R3HDM2: variants seen among roughly 807,000 people sequenced by gnomAD.
The protein encoded by R3HDM2 is R3H domain containing 2.
Under a neutral mutation model 124.5 loss-of-function variants are expected in R3HDM2, and 38 were observed. That is an observed-to-expected ratio of 0.31 (90% confidence interval 0.24 to 0.40). R3HDM2 has a LOEUF of 0.40. Among genes scored for constraint, R3HDM2 ranks in the 10% least tolerant of loss-of-function variants. The pLI is 1.00. For missense variants in R3HDM2, 869 were observed against 1,236.9 expected (o/e 0.70, Z 4.46); for synonymous variants, 391 against 448.0 (o/e 0.87, Z 1.61).
intron 2 of R3HDM2, among the ~76,000 whole-genome samples, chr12:57,312,303 T>C (rs1487278604): frequency 6.6e-6 from 1 of 151,110 alleles, no homozygotes; most frequent in Non-Finnish European, 1.5e-5. Flanking sequence ...TACTGCTTTG[T>C]GATTTTTTTT....
chr12:57,258,894 G>A lies in R3HDM2; in HGVS notation c.2297C>T (p.Pro766Leu). Residue 766 changes from proline to leucine, a missense_variant, in exon 20 of 24, where the codon CCC (proline) becomes CTC (leucine). Pro to Leu is a moderately conservative substitution (Grantham distance 98). Transcript: ENST00000402412. ...AAGGCTGAGTGCTGCACTCACCTGGGGGCTGCTGTCAGGACTGTACAGGTC... is the reference window on the plus strand; with the variant it reads ...AAGGCTGAGTGCTGCACTCACCTGGAGGCTGCTGTCAGGACTGTACAGGTC... ...PGDLYSPDSS[P>L]QANTQMSSSP... The A allele has an allele frequency of 6.3e-7, 1 of 1,575,486 alleles. No individual in the cohort carries two copies. Among genetic ancestry groups the A allele is most frequent in the Non-Finnish European group, 8.6e-7 (1 of 1,161,454 alleles).
intron 14 of R3HDM2, among the ~76,000 whole-genome samples, chr12:57,270,492 C>T (rs1295439086): frequency 6.6e-6 from 1 of 152,020 alleles, no homozygotes; most frequent in Non-Finnish European, 1.5e-5. Context: ...TGCAATGGTG[C>T]AGTCTCGGCT....
chr12:57,300,287 T>G, intron 4 of R3HDM2, 106 bp from the exon 5 acceptor site: 3 of 971,314 alleles, frequency 3.1e-6, no homozygotes, highest in Non-Finnish European at 4.7e-6. Context: ...GTGTCCTCTT[T>G]GGCTCTGTTA....
intron 2 of R3HDM2, among the ~76,000 whole-genome samples, chr12:57,335,665 CT>C (rs1213483574): frequency 0.19 from 25,385 of 133,288 alleles, 2,579 homozygotes; most frequent in Admixed American, 0.28. Flanking sequence ...ACCCAGCTAA[CT>C]TTTTTTTTTT....
chr12:57,298,143 G>A lies in R3HDM2; in HGVS notation c.447C>T (p.Ser149=). 7 of 1,551,090 alleles carry A rather than the reference G, an allele frequency of 4.5e-6. No homozygotes were observed. The highest frequency in any genetic ancestry group is 6.1e-6 in the Non-Finnish European group (7 of 1,146,672). Residue 149 remains serine, a synonymous_variant, in exon 7 of 24, where the codon TCC becomes TCT. Transcript: ENST00000402412. The part of the protein sequence containing the change: ...SRDSSQEYTD[S]TGIDLHEFLV... Reference sequence around the variant, plus strand: ...GAAATTCATGTAGGTCTATTCCAGTGGAGTCCGTATATTCCTGGCTGGAGT... The same window carrying A: ...GAAATTCATGTAGGTCTATTCCAGTAGAGTCCGTATATTCCTGGCTGGAGT...
Position 57,374,099 on chromosome 12 carries a change from G to C in R3HDM2, c.-36+21650C>G, listed in dbSNP as rs188780485. 5.8e-4 allele frequency among the ~76,000 whole-genome samples: 88 copies of C among 152,232 alleles called. 1 individual carries two copies. The highest frequency in any genetic ancestry group is 2.0e-3 in the African/African-American group (83 of 41,528). ...GATGAGATCGCACCACTGCACTCCAGCCTGGGTGCCAGAGCAAGACTCTGT... is the reference window on the plus strand; with the variant it reads ...GATGAGATCGCACCACTGCACTCCACCCTGGGTGCCAGAGCAAGACTCTGT... On this transcript the variant is annotated intron_variant, in intron 2 of 23. Transcript: ENST00000402412.
At chr12:57,331,603 C>T (rs1171360235) in intron 2 of R3HDM2, among the ~76,000 whole-genome samples, 1 of 152,040 alleles carries the variant, frequency 6.6e-6, no homozygotes, top group Non-Finnish European at 1.5e-5. Flanking sequence ...AATTTGCAGG[C>T]TGGGCAATAT....
chr12:57,295,336 C>T, intron 10 of R3HDM2, 63 bp downstream of exon 10: 5 of 1,142,646 alleles, frequency 4.4e-6, no homozygotes, highest in Non-Finnish European at 6.4e-6. Context: ...AAAAATTCTT[C>T]TCCCTTCCCA....
intron 4 of R3HDM2, among the ~76,000 whole-genome samples, chr12:57,301,421 CAGAA>C (rs891721471): frequency 2.0e-5 from 3 of 152,328 alleles, no homozygotes; most frequent in South Asian, 4.1e-4. Flanking sequence ...TGCAGTATAG[CAGAA>C]AGAACTTGCG....
chr12:57,269,201 C>A, intron 16 of R3HDM2, 119 bp from the exon 17 acceptor site: 1 of 1,546,440 alleles, frequency 6.5e-7, no homozygotes, highest in Non-Finnish European at 8.8e-7. Context: ...TAGGTCTGTT[C>A]TTAGGACCCT....
At position 57,381,544 on chromosome 12, in the gene R3HDM2, C is replaced by CA. The variant is rs66778122; in HGVS notation, c.-36+14204dup. Among the ~76,000 whole-genome samples, 347 of 76,554 alleles carry CA rather than the reference C, an allele frequency of 4.5e-3. 8 individuals are homozygous for CA. Among genetic ancestry groups the CA allele is most frequent in the African/African-American group, 0.015 (324 of 22,216 alleles). The allele number at this position is 76,554 out of a possible 152,430, so 50.2% of individuals were successfully genotyped here. ...TGGGCGACAGAACAAGACTCCATCT[C>CA]AAAAAAAAAAAAAAAAAAAGAATGG... On this transcript the variant is annotated intron_variant, in intron 2 of 23. Coordinates refer to ENST00000402412, the MANE Select transcript of R3HDM2 (RefSeq NM_001394031.1).
intron 1 of R3HDM2, among the ~76,000 whole-genome samples, chr12:57,409,632 G>A (rs1341637206): frequency 2.6e-5 from 4 of 151,766 alleles, no homozygotes; most frequent in Non-Finnish European, 5.9e-5. Flanking sequence ...GACCAATTAA[G>A]ACCACCTGGT....
chr12:57,278,396 G>A (rs929400891), intron 14 of R3HDM2, among the ~76,000 whole-genome samples: 2 of 152,024 alleles, frequency 1.3e-5, no homozygotes, highest in Non-Finnish European at 2.9e-5. Context: ...TTGCCGTCTC[G>A]TCTGTTTCTA....
rs762069146 is a variant in R3HDM2, at chr12:57,258,124, A to G, written c.2315T>C (p.Met772Thr). 22 of 1,561,946 alleles carry G rather than the reference A, an allele frequency of 1.4e-5. No homozygotes were observed. Among genetic ancestry groups the G allele is most frequent in the Middle Eastern group, 3.4e-4 (2 of 5,952 alleles). The change falls in exon 21 of 24, where the codon ATG (methionine) becomes ACG (threonine). Residue 772 changes from methionine to threonine, a missense_variant. Coordinates refer to ENST00000402412, the MANE Select transcript of R3HDM2 (RefSeq NM_001394031.1). ...AGGAGATGTGACAGGGCTGCTGCTC[A>G]TTTGTGTGTTGGCCTGTGGAAAAGA... ...PDSSPQANTQ[M>T]SSSPVTSPTQ...
At chr12:57,381,281 C>T (rs974329494) in intron 2 of R3HDM2, among the ~76,000 whole-genome samples, 2 of 151,610 alleles carry the variant, frequency 1.3e-5, no homozygotes, top group Non-Finnish European at 2.9e-5. Flanking sequence ...AGGCCGGGCA[C>T]GGTGGCTCAC....
intron 2 of R3HDM2, among the ~76,000 whole-genome samples, chr12:57,379,787 T>C (rs1367459952): frequency 1.3e-5 from 2 of 152,088 alleles, no homozygotes; most frequent in African/African-American, 2.4e-5. Context: ...ATGTAATATA[T>C]ACAATATAAT....
At chr12:57,332,235 C>G (rs2136647332) in intron 2 of R3HDM2, among the ~76,000 whole-genome samples, 1 of 151,120 alleles carries the variant, frequency 6.6e-6, no homozygotes, top group South Asian at 2.1e-4. Flanking sequence ...CATAGTGGAA[C>G]CCTGTCTCTA....
intron 2 of R3HDM2, among the ~76,000 whole-genome samples, chr12:57,331,938 T>A (rs1472185945): frequency 6.6e-6 from 1 of 151,352 alleles, no homozygotes; most frequent in Non-Finnish European, 1.5e-5. Flanking sequence ...TTTTTTTTTT[T>A]AATTAGCTAG....
chr12:57,386,513 G>A (rs2138525058), intron 2 of R3HDM2, among the ~76,000 whole-genome samples: 1 of 152,358 alleles, frequency 6.6e-6, no homozygotes, highest in Non-Finnish European at 1.5e-5. Flanking sequence ...CTCGGGGCAG[G>A]GCTTGGGACC....
Sources: gnomAD v4.1 joint callset for allele counts (sites outside exome capture counted in the v4.1 genomes callset) on GRCh38, gnomAD v4.1.1 for gene constraint, MANE v1.5 for transcripts, NCBI Gene and HGNC (gene_info 2026-07-23, HGNC 2026-07-21) for gene names.